UVSSA: variants seen among roughly 807,000 people sequenced by gnomAD.
UVSSA encodes the protein UV stimulated scaffold protein A.
In UVSSA, 72 loss-of-function variants were observed where a neutral mutation model predicts 73.9. The observed-to-expected ratio is 0.97, with a 90% CI of 0.81 to 1.19. The LOEUF is 1.19. Among genes scored for constraint, UVSSA ranks in the 50% most tolerant of loss-of-function variants. UVSSA has a pLI of 0.00. For synonymous variants in UVSSA, 454 were observed against 391.3 expected, an observed-to-expected ratio of 1.16 and a Z score of -1.89; for missense variants, 1,150 against 965.0, an observed-to-expected ratio of 1.19 and a Z score of -2.54.
At chr4:1,352,815 C>T (rs978929154) in intron 4 of UVSSA, among the ~76,000 whole-genome samples, 2 of 152,238 alleles carry the variant, frequency 1.3e-5, no homozygotes, top group East Asian at 1.9e-4. Flanking sequence ...CATGGCATCA[C>T]GTGTCTGTAG....
upstream of UVSSA, among the ~76,000 whole-genome samples, chr4:1,346,375 G>A (rs1163719242): frequency 1.3e-5 from 2 of 152,154 alleles, no homozygotes. Context: ...CCCCGCGAGT[G>A]GGGTCCACAC....
chr4:1,355,419 G>A (rs1270073394), intron 7 of UVSSA, among the ~76,000 whole-genome samples, 174 bp downstream of exon 7: 3 of 152,226 alleles, frequency 2.0e-5, no homozygotes, highest in Non-Finnish European at 2.9e-5. Context: ...TGAGCCCAGG[G>A]TCATCACCAT....
Position 1,380,187 on chromosome 4 carries a change from C to A in UVSSA, c.1709C>A (p.Pro570Gln). ...FEPVQHWCRA[P>Q]RPDGRLCERQ... ...CCTGTGCAGCACTGGTGCCGTGCCC[C>A]GAGGCCAGACGGCCGGCTCTGTGAG... Residue 570 changes from proline (P) to glutamine (Q), a missense_variant, in exon 11 of 14, where the codon CCG becomes CAG. Pro to Gln is a moderately conservative substitution (Grantham distance 76). Coordinates refer to ENST00000389851, the MANE Select transcript of UVSSA (RefSeq NM_020894.4). 1 of 1,612,794 alleles carries A rather than the reference C, an allele frequency of 6.2e-7. No individual in the cohort carries two copies.
At chr4:1,389,154 G>T (rs1221868170), downstream of UVSSA, 1 of 151,844 alleles carries the variant, frequency 6.6e-6, no homozygotes, top group Non-Finnish European at 1.5e-5. Context: ...CCCTTTCTAG[G>T]TTCTTTGTTG....
chr4:1,356,023 G>A (rs550938218), intron 7 of UVSSA, among the ~76,000 whole-genome samples: 36 of 152,244 alleles, frequency 2.4e-4, no homozygotes, highest in African/African-American at 7.9e-4. Flanking sequence ...GCACAGTCGG[G>A]CCTTAGGACT....
chr4:1,383,660 C>G, intron 12 of UVSSA, 106 bp from the exon 13 acceptor site: 3 of 1,445,508 alleles, frequency 2.1e-6, no homozygotes, highest in East Asian at 2.3e-5. Flanking sequence ...GCAAGGCGAC[C>G]CAGCCCCCCT....
rs754432716 is a variant in UVSSA at position 1,380,132 on chromosome 4, C to T, written c.1654C>T (p.Arg552Cys). The T allele has an allele frequency of 1.7e-5, 27 of 1,613,200 alleles. No homozygotes were observed. Among genetic ancestry groups the T allele is most frequent in the Middle Eastern group, 3.3e-4 (2 of 6,062 alleles). Residue 552 changes from arginine (R) to cysteine (C), a missense_variant, in exon 11 of 14, where the codon CGC (arginine) becomes TGC (cysteine). Physicochemically the swap from Arg to Cys is radical, Grantham distance 180 (BLOSUM62 -3). Coordinates refer to ENST00000389851, the MANE Select transcript of UVSSA (RefSeq NM_020894.4). ...CGACATCTCCGAGATGCTCCGGAGC[C>T]GCCACATCACTTTTGCCGGGAAGTT... ...NADISEMLRS[R>C]HITFAGKFEP...
At chr4:1,370,151 C>A (rs528304864) in intron 8 of UVSSA, among the ~76,000 whole-genome samples, 1 of 152,314 alleles carries the variant, frequency 6.6e-6, no homozygotes, top group East Asian at 1.9e-4. Context: ...AAATATATTT[C>A]ATTCTTGTAA....
At position 1,386,941 on chromosome 4, in the gene UVSSA, ACTC is replaced by A. The variant is rs1720169273; in HGVS notation, c.*983_*985del. On this transcript the variant is annotated 3_prime_UTR_variant, in exon 14 of 14. Coordinates refer to ENST00000389851, the MANE Select transcript of UVSSA (RefSeq NM_020894.4). The stretch of plus-strand genomic sequence containing the variant: ...ACTGTGTTGCCCACGGTGATCTCGA[ACTC>A]CTAGCCTCAAGCGATCCTCCTGCTT... The A allele has an allele frequency of 6.6e-6, 1 of 151,002 alleles. No homozygotes were observed. Among genetic ancestry groups the A allele is most frequent in the Non-Finnish European group, 1.5e-5 (1 of 67,822 alleles). 9.4% of individuals were successfully genotyped at this position (151,002 alleles called of 1,614,324 possible).
chr4:1,377,434 A>G (rs547724351), intron 10 of UVSSA, among the ~76,000 whole-genome samples: 2 of 152,192 alleles, frequency 1.3e-5, no homozygotes, highest in South Asian at 2.1e-4. Context: ...GGGCCAGATT[A>G]GGGACAGTGT....
At chr4:1,364,239 C>A (rs13124995) in intron 7 of UVSSA, among the ~76,000 whole-genome samples, 192 of 84,362 alleles carry the variant, frequency 2.3e-3, no homozygotes, top group Admixed American at 4.1e-3. Context: ...GCCCCGTGGC[C>A]TTGTGTGGCC....
rs1290116920 is a variant in UVSSA, at chr4:1,355,208, A to C, written c.1139A>C (p.Glu380Ala). 6.2e-7 allele frequency: 1 copy of C among 1,612,860 alleles called. No individual in the cohort carries two copies. The highest frequency in any genetic ancestry group is 1.3e-5 in the African/African-American group (1 of 74,854). Reference sequence around the variant, plus strand: ...GAGCTCGTACTGAGAAAATACAAGGAGCTGGACATCGAGCCTGAGGGAGGG... The same window carrying C: ...GAGCTCGTACTGAGAAAATACAAGGCGCTGGACATCGAGCCTGAGGGAGGG... ...ELELVLRKYK[E>A]LDIEPEGGER... The change falls in exon 7 of 14, where the codon GAG becomes GCG. Residue 380 changes from glutamate to alanine, a missense_variant. Coordinates refer to ENST00000389851, the MANE Select transcript of UVSSA (RefSeq NM_020894.4).
chr4:1,361,073 CG>C (rs1242187204), intron 7 of UVSSA, among the ~76,000 whole-genome samples: 4 of 152,352 alleles, frequency 2.6e-5, no homozygotes, highest in Non-Finnish European at 5.9e-5. Context: ...CGCATCTGGT[CG>C]ACAGATGTGT....
intron 8 of UVSSA, 26 bp downstream of exon 8, chr4:1,366,457 G>A: frequency 1.3e-6 from 2 of 1,554,514 alleles, no homozygotes; most frequent in Non-Finnish European, 1.8e-6. Flanking sequence ...CGTGGGGGGG[G>A]CACCTGGGTG....
At chr4:1,346,743 A>G (rs1337678604), upstream of UVSSA, among the ~76,000 whole-genome samples, 3 of 151,968 alleles carry the variant, frequency 2.0e-5, no homozygotes, top group African/African-American at 4.8e-5. Flanking sequence ...CCTGGCTGCG[A>G]GCCCGCGGGC....
chr4:1,359,738 C>A (rs1474860366), intron 7 of UVSSA, among the ~76,000 whole-genome samples: 1 of 152,170 alleles, frequency 6.6e-6, no homozygotes, highest in African/African-American at 2.4e-5. Flanking sequence ...GGTTTTCTTT[C>A]TCTGTCGGCC....
At position 1,380,181 on chromosome 4, in the gene UVSSA, G is replaced by T. The variant is rs373957476; in HGVS notation, c.1703G>T (p.Arg568Leu). ...GKFEPVQHWC[R>L]APRPDGRLCE... The stretch of plus-strand genomic sequence containing the variant: ...TTTGAGCCTGTGCAGCACTGGTGCC[G>T]TGCCCCGAGGCCAGACGGCCGGCTC... Residue 568 changes from arginine (R) to leucine (L), a missense_variant, in exon 11 of 14, where the codon CGT (arginine) becomes CTT (leucine). Coordinates refer to ENST00000389851, the MANE Select transcript of UVSSA (RefSeq NM_020894.4). 6.2e-7 allele frequency: 1 copy of T among 1,612,970 alleles called. No homozygotes were observed. The highest frequency in any genetic ancestry group is 8.5e-7 in the Non-Finnish European group (1 of 1,179,950).
exon 14 of UVSSA, chr4:1,395,594 C>A (rs1399171949): frequency 6.4e-7 from 1 of 1,563,164 alleles, no homozygotes; most frequent in Admixed American, 1.8e-5. Context: ...ATGTGGAGTG[C>A]CCGCCTGCTC....
chr4:1,392,119 T>C (rs960663236), downstream of UVSSA: 2 of 152,224 alleles, frequency 1.3e-5, no homozygotes, highest in African/African-American at 4.8e-5. Flanking sequence ...TAGCAGCTGC[T>C]CTGAGTATTA....
Sources: gnomAD v4.1 joint callset for allele counts (sites outside exome capture counted in the v4.1 genomes callset) on GRCh38, gnomAD v4.1.1 for gene constraint, MANE v1.5 for transcripts, NCBI Gene and HGNC (gene_info 2026-07-23, HGNC 2026-07-21) for gene names.